Variants in ELAC2 observed in about 807,000 individuals in gnomAD.
The protein encoded by ELAC2 is zinc phosphodiesterase ELAC protein 2.
ELAC2 carries 92 observed loss-of-function variants against 105.2 expected under a neutral mutation model. The ratio of observed to expected loss-of-function variants is 0.87; its 90% CI spans 0.74 to 1.04. ELAC2 has a LOEUF of 1.04. Among genes scored for constraint, ELAC2 ranks in the 50% least tolerant of loss-of-function variants. The pLI, the probability that ELAC2 is intolerant of heterozygous loss-of-function variation, is 0.00. For synonymous variants in ELAC2, 468 were observed against 409.1 expected (o/e 1.14, Z -1.74); for missense variants, 1,099 against 1,071.7 (o/e 1.03, Z -0.36).
At position 13,008,405 on chromosome 17, in the gene ELAC2, G is replaced by A. The variant is rs144160100; in HGVS notation, c.738+2208C>T. 8.4e-3 allele frequency among the ~76,000 whole-genome samples: 1,272 copies of A among 151,848 alleles called. 20 individuals are homozygous for A. Among genetic ancestry groups the A allele is most frequent in the African/African-American group, 0.029 (1,212 of 41,380 alleles). ...TGCGCTCCTGTAGTCCCAGCTACTC[G>A]GGAGGCTGAGGCAGGAGAACTGCTT... On this transcript the variant is annotated intron_variant, in intron 8 of 23. Transcript: ENST00000338034.
rs1270727743 is a variant in ELAC2 at position 12,991,970 on chromosome 17, A to ATTTC, written c.*844_*847dup. 6.6e-6 allele frequency among the ~76,000 whole-genome samples: 1 copy of ATTTC among 152,102 alleles called. No individual in the cohort carries two copies. Among genetic ancestry groups the ATTTC allele is most frequent in the Non-Finnish European group, 1.5e-5 (1 of 68,040 alleles). On this transcript the variant is annotated 3_prime_UTR_variant, in exon 24 of 24. Coordinates refer to ENST00000338034, the MANE Select transcript of ELAC2 (RefSeq NM_018127.7). ...ACAATGGAAACCAGCCCCGTGTGCC[A>ATTTC]TTTCTCAAAACCTTCGAGGGCAAAG... is the stretch of plus-strand genomic sequence containing the variant.
intron 11 of ELAC2, 73 bp from the exon 12 acceptor site, chr17:13,003,647 G>A: frequency 1.4e-6 from 2 of 1,399,866 alleles, no homozygotes; most frequent in Non-Finnish European, 1.0e-6. Context: ...ACGCAGCCAG[G>A]GAGGGGTATC....
At position 12,998,471 on chromosome 17, in the gene ELAC2, T is replaced by A. The variant is rs2040585872; in HGVS notation, c.1461A>T (p.Gly487=). The A allele has an allele frequency of 1.2e-6, 2 of 1,614,190 alleles. No individual in the cohort carries two copies. Among genetic ancestry groups the A allele is most frequent in the Middle Eastern group, 1.6e-4 (1 of 6,062 alleles). ...TCTTCATCGGGATGGCAGACCCTGT[T>A]CCAAGGAAGATGATTTCTGGGTACT... ...RSQYPEIIFL[G]TGSAIPMKIR... The change falls in exon 16 of 24, where the codon GGA becomes GGT. Residue 487 remains glycine, a synonymous_variant. Transcript: ENST00000338034.
At position 13,000,198 on chromosome 17, in the gene ELAC2, G is replaced by A. The variant is rs2143590737; in HGVS notation, c.1381C>T (p.Gln461Ter). The A allele has an allele frequency of 3.1e-6, 5 of 1,613,996 alleles. No individual in the cohort carries two copies. The highest frequency in any genetic ancestry group is 4.2e-6 in the Non-Finnish European group (5 of 1,180,034). Residue 461 changes from glutamine (Q) to a stop codon, truncating the protein, a stop_gained, in exon 15 of 24, where the codon CAG becomes TAG. Transcript: ENST00000338034. LOFTEE classifies it high-confidence loss of function. ...LQLPNFQQSV[Q>*]EYRRSAQDGP... Reference sequence around the variant, plus strand: ...TCCTGCGCACTCCTCCTGTACTCCTGCACGCTCTGCTGGAAGTTGGGAAGC... The same window carrying A: ...TCCTGCGCACTCCTCCTGTACTCCTACACGCTCTGCTGGAAGTTGGGAAGC...
At chr17:12,998,629 C>T (rs1377975223) in intron 15 of ELAC2, 121 bp from the exon 16 acceptor site, 4 of 958,484 alleles carry the variant, frequency 4.2e-6, no homozygotes, top group African/African-American at 3.2e-5. Context: ...CATGTGGAAA[C>T]GTGCTCCCTA....
intron 5 of ELAC2, among the ~76,000 whole-genome samples, chr17:13,013,766 G>A (rs921027565): frequency 3.3e-5 from 5 of 152,230 alleles, no homozygotes; most frequent in Non-Finnish European, 5.9e-5. Flanking sequence ...GCCCCCCTGC[G>A]CAGCTGGAGC....
At chr17:13,011,857 T>C in intron 6 of ELAC2, 75 bp from the exon 7 acceptor site, 13 of 1,610,810 alleles carry the variant, frequency 8.1e-6, no homozygotes, top group South Asian at 1.1e-5. Context: ...CGTTCATACA[T>C]GGGAATGCCA....
chr17:12,993,565 TA>T, intron 23 of ELAC2, 121 bp downstream of exon 23: 1 of 1,469,358 alleles, frequency 6.8e-7, no homozygotes, highest in Non-Finnish European at 9.3e-7. Flanking sequence ...GATGGGTAGA[TA>T]ACCTTTTCCC....
At chr17:13,000,333 C>T in intron 14 of ELAC2, 59 bp from the exon 15 acceptor site, 1 of 1,463,444 alleles carries the variant, frequency 6.8e-7, no homozygotes, top group South Asian at 1.1e-5. Flanking sequence ...CTCAGCAGAC[C>T]CCATTGGGGA....
At position 12,992,905 on chromosome 17, in the gene ELAC2, C is replaced by T; in HGVS notation, c.2394G>A (p.Glu798=). 6.2e-7 allele frequency: 1 copy of T among 1,612,070 alleles called. No homozygotes were observed. Among genetic ancestry groups the T allele is most frequent in the Non-Finnish European group, 8.5e-7 (1 of 1,180,038 alleles). The change falls in exon 24 of 24, where the codon GAG becomes GAA. Residue 798 remains glutamate, a synonymous_variant. Coordinates refer to ENST00000338034, the MANE Select transcript of ELAC2 (RefSeq NM_018127.7). The part of the protein sequence containing the change: ...RQVRAALLSR[E]LAGGLEDGEP... ...CCCCATCCTCCAGGCCGCCTGCCAG[C>T]TCCCTGGACAGGAGGGCCGCCCGCA...
rs7217826 is a variant in ELAC2, at chr17:12,993,810, G to A, written c.2130C>T (p.Ser710=). Residue 710 remains serine, a synonymous_variant, in exon 23 of 24, where the codon AGC becomes AGT. Coordinates refer to ENST00000338034, the MANE Select transcript of ELAC2 (RefSeq NM_018127.7). ...ACTCCGCGTTCATCCGCATCCCCAC[G>A]CTGATGGCTTGGGACGTTGTGCTGC... ...KTHSTTSQAI[S]VGMRMNAEFI... The A allele has an allele frequency of 3.7e-3, 6,011 of 1,614,156 alleles. 181 individuals are homozygous for A. In the African/African-American group the frequency reaches 0.069, roughly 19 times the overall value.
rs372373990 is a variant in ELAC2 at position 12,996,614 on chromosome 17, T to C, written c.1592A>G (p.Gln531Arg). 4 of 1,614,076 alleles carry C rather than the reference T, an allele frequency of 2.5e-6. No individual in the cohort carries two copies. The highest frequency in any genetic ancestry group is 3.4e-6 in the Non-Finnish European group (4 of 1,180,034). Residue 531 changes from glutamine (Q) to arginine (R), a missense_variant, in exon 17 of 24, where the codon CAG becomes CGG. By Grantham distance (43) the Gln-to-Arg change is conservative. Coordinates refer to ENST00000338034, the MANE Select transcript of ELAC2 (RefSeq NM_018127.7). Reference protein sequence around the residue: ...FGQLCRHYGDQVDRVLGTLAA... With the variant: ...FGQLCRHYGDRVDRVLGTLAA... ...CAGGGTGCCCAGGACCCTGTCCACC[T>C]GGTCTCCGTAATGACGGCACAGCTG...
At chr17:13,010,941 C>A (rs1394242839) in intron 7 of ELAC2, among the ~76,000 whole-genome samples, 1 of 152,128 alleles carries the variant, frequency 6.6e-6, no homozygotes, top group East Asian at 1.9e-4. Context: ...ACACATTTCA[C>A]CTAGGACTGG....
At position 13,002,573 on chromosome 17, in the gene ELAC2, C is replaced by A; in HGVS notation, c.1086G>T (p.Gly362=). Residue 362 remains glycine (G), a synonymous_variant, in exon 13 of 24, where the codon GGG becomes GGT. Coordinates refer to ENST00000338034, the MANE Select transcript of ELAC2 (RefSeq NM_018127.7). ...SRYQQWMERF[G]PDTQHLVLNE... is the part of the protein sequence containing the mutation. ...TCAGGACCAAGTGCTGGGTGTCAGG[C>A]CCAAACCTGTGAAGAAACAGACCCG... The A allele has an allele frequency of 6.2e-7, 1 of 1,600,462 alleles. No homozygotes were observed. The highest frequency in any genetic ancestry group is 8.5e-7 in the Non-Finnish European group (1 of 1,172,252).
intron 15 of ELAC2, among the ~76,000 whole-genome samples, chr17:12,999,825 A>G (rs1347219968): frequency 2.0e-5 from 3 of 152,062 alleles, no homozygotes; most frequent in Non-Finnish European, 4.4e-5. Context: ...CGCCCAGCTA[A>G]TTTTTGTATT....
At position 12,993,732 on chromosome 17, in the gene ELAC2, GC is replaced by G; in HGVS notation, c.2207del (p.Ser736ThrfsTer15). On this transcript the variant is annotated frameshift_variant, in exon 23 of 24. Transcript: ENST00000338034. LOFTEE classifies it low-confidence loss of function (END_TRUNC). ...CTCCCACTTTCTCGCTGAAGTTGGG[GC>G]TGAAGAGGGGGACCTTGGCATAGCG... ...SQRYAKVPLF[S>X]PNFSEKVGVA... is the part of the protein sequence containing the mutation. 6.2e-7 allele frequency: 1 copy of G among 1,614,192 alleles called. No individual in the cohort carries two copies. The highest frequency in any genetic ancestry group is 8.5e-7 in the Non-Finnish European group (1 of 1,180,028).
At chr17:13,003,811 A>T (rs58700278) in intron 11 of ELAC2, 5 of 553,054 alleles carry the variant, frequency 9.0e-6, no homozygotes, top group Non-Finnish European at 3.3e-6. Context: ...GCTTTCCAGT[A>T]GGCCTGGCTG....
At chr17:12,998,895 A>T (rs1429772834) in intron 15 of ELAC2, among the ~76,000 whole-genome samples, 1 of 152,192 alleles carries the variant, frequency 6.6e-6, no homozygotes. Context: ...GGAAGCCTTC[A>T]CTGGAAGCTA....
chr17:13,017,607 G>C, intron 1 of ELAC2, 96 bp downstream of exon 1: 2 of 1,588,332 alleles, frequency 1.3e-6, no homozygotes, highest in Non-Finnish European at 8.6e-7. Flanking sequence ...CCACATGTGT[G>C]AAGCAGGGAA....
Sources: allele counts gnomAD v4.1 joint callset (sites outside exome capture counted in the v4.1 genomes callset), GRCh38; gene constraint gnomAD v4.1.1; transcripts MANE v1.5; gene names NCBI Gene and HGNC (gene_info 2026-07-23, HGNC 2026-07-21).